The following DAAM1 variants were observed in gnomAD, a reference collection of about 807,000 sequenced individuals.
The protein encoded by DAAM1 is dishevelled associated activator of morphogenesis 1.
Under a neutral mutation model 130.0 loss-of-function variants are expected in DAAM1, and 52 were observed. That is an observed-to-expected ratio of 0.40 (90% CI 0.32 to 0.50). DAAM1 has a LOEUF of 0.50. DAAM1 is among the 20% of genes least tolerant of loss of function. DAAM1 has a pLI of 0.61. For synonymous variants in DAAM1, 452 were observed against 444.5 expected (o/e 1.02, Z -0.21); for missense variants, 1,134 against 1,303.8 (o/e 0.87, Z 2.01).
intron 1 of DAAM1, among the ~76,000 whole-genome samples, chr14:59,242,320 G>A (rs1335120797): frequency 6.6e-6 from 1 of 152,036 alleles, no homozygotes; most frequent in African/African-American, 2.4e-5. Flanking sequence ...TATATGCCTA[G>A]TAGCAGTGTT....
At chr14:59,196,536 A>G (rs1887897634) in intron 1 of DAAM1, among the ~76,000 whole-genome samples, 3 of 152,162 alleles carry the variant, frequency 2.0e-5, no homozygotes, top group Admixed American at 6.5e-5. Context: ...AAGGTCAGGA[A>G]GTCGAGACCA....
chr14:59,267,094 T>C (rs1311742455), intron 2 of DAAM1, among the ~76,000 whole-genome samples: 2 of 152,178 alleles, frequency 1.3e-5, no homozygotes, highest in African/African-American at 4.8e-5. Context: ...AGCAAATATT[T>C]CAGTTGTTCC....
At chr14:59,354,237 CT>C (rs1886391494) in intron 19 of DAAM1, among the ~76,000 whole-genome samples, 1 of 151,962 alleles carries the variant, frequency 6.6e-6, no homozygotes, top group Non-Finnish European at 1.5e-5. Flanking sequence ...ATTTTTTGTA[CT>C]TTTAGTAGAG....
At chr14:59,267,900 CCCTT>C (rs1882522370) in intron 2 of DAAM1, among the ~76,000 whole-genome samples, 1 of 99,578 alleles carries the variant, frequency 1.0e-5, no homozygotes, top group Non-Finnish European at 1.9e-5. Context: ...ATACGCCCCC[CCCTT>C]TTTTTTTTTT....
rs1279316572 is a variant in DAAM1 at position 59,253,765 on chromosome 14, C to T, written c.-37-9676C>T. On this transcript the variant is annotated intron_variant, in intron 1 of 24. Transcript: ENST00000360909. Reference sequence around the variant, plus strand: ...GGCTGTGAGGGCTGGGAGCAGTACTCACTTCCCCAGGGGACCCTGTCTAGG... The same window carrying T: ...GGCTGTGAGGGCTGGGAGCAGTACTTACTTCCCCAGGGGACCCTGTCTAGG... Among the ~76,000 whole-genome samples the T allele has an allele frequency of 5.3e-5, 8 of 152,304 alleles. No homozygotes were observed. The East Asian group carries it at 1.2e-3, about 22-fold the overall frequency.
At position 59,367,438 on chromosome 14, in the gene DAAM1, G is replaced by A. The variant is rs761923119; in HGVS notation, c.2836G>A (p.Ala946Thr). The part of the protein sequence containing the change: ...LAEAKDLFTK[A>T]VKHFGEEAGK... ...ACCATCTTTTTCCTAGTTTACTAAA[G>A]CAGTGAAGCACTTTGGGGAAGAGGC... Residue 946 changes from alanine (A) to threonine (T), a missense_variant, in exon 24 of 25, where the codon GCA (alanine) becomes ACA (threonine). Coordinates refer to ENST00000360909, the MANE Select transcript of DAAM1 (RefSeq NM_001270520.2). The A allele has an allele frequency of 1.9e-6, 3 of 1,606,482 alleles. No individual in the cohort carries two copies. The East Asian group carries it at 6.7e-5, about 36-fold the overall frequency.
At chr14:59,244,038 A>C (rs1881242196) in intron 1 of DAAM1, among the ~76,000 whole-genome samples, 1 of 152,122 alleles carries the variant, frequency 6.6e-6, no homozygotes, top group African/African-American at 2.4e-5. Context: ...CCCCACTCAA[A>C]TGTCATCTTG....
intron 2 of DAAM1, among the ~76,000 whole-genome samples, chr14:59,275,072 G>T (rs1051671621): frequency 2.0e-5 from 3 of 152,158 alleles, no homozygotes; most frequent in Non-Finnish European, 4.4e-5. Flanking sequence ...GAGGGGCCTG[G>T]GCTGGCAAGA....
intron 23 of DAAM1, among the ~76,000 whole-genome samples, chr14:59,366,124 A>G (rs1886907205): frequency 7.1e-6 from 1 of 141,166 alleles, no homozygotes. Flanking sequence ...GGTGGCATGT[A>G]CCTATAGTCC....
At position 59,331,831 on chromosome 14, in the gene DAAM1, G is replaced by A. The variant is rs1349084668; in HGVS notation, c.1879G>A (p.Val627Ile). Residue 627 changes from valine (V) to isoleucine (I), a missense_variant, in exon 15 of 25, where the codon GTA (valine) becomes ATA (isoleucine). Val to Ile is a conservative substitution (Grantham distance 29, BLOSUM62 3). Transcript: ENST00000360909. ...KLPENKLEGT[V>I]WTEIDDTKVF... ...TTTCTAGAACAAACTGGAAGGAACA[G>A]TATGGACCGAAATTGATGATACAAA... 1 of 1,614,114 alleles carries A rather than the reference G, an allele frequency of 6.2e-7. No homozygotes were observed. The highest frequency in any genetic ancestry group is 8.5e-7 in the Non-Finnish European group (1 of 1,179,986).
chr14:59,329,050 A>C (rs973381850), intron 12 of DAAM1, among the ~76,000 whole-genome samples: 3 of 152,088 alleles, frequency 2.0e-5, no homozygotes, highest in African/African-American at 7.3e-5. Flanking sequence ...GTGCTCAATA[A>C]AAGCTTAGTG....
At chr14:59,281,984 C>G (rs1303271243) in intron 2 of DAAM1, among the ~76,000 whole-genome samples, 1 of 152,132 alleles carries the variant, frequency 6.6e-6, no homozygotes, top group African/African-American at 2.4e-5. Context: ...ATCCACTAAT[C>G]CAGATTGCTC....
intron 4 of DAAM1, among the ~76,000 whole-genome samples, chr14:59,319,269 A>G (rs9323344): frequency 8.1e-4 from 123 of 152,296 alleles, no homozygotes; most frequent in African/African-American, 2.8e-3. Context: ...CGAAAAAACT[A>G]CTGGGTTTTA....
At chr14:59,295,584 A>T (rs1336076474) in intron 3 of DAAM1, among the ~76,000 whole-genome samples, 4 of 152,222 alleles carry the variant, frequency 2.6e-5, no homozygotes, top group Non-Finnish European at 5.9e-5. Flanking sequence ...GTTCCTGGAG[A>T]GCTGAAGCCC....
chr14:59,325,774 A>G lies in DAAM1; in HGVS notation c.1056+44A>G, dbSNP rs367954493. ...ATTCTGGTTTGATTCATCAGTTCAC[A>G]TTATTTCTGTCTGTAATGTGTGTTG... On this transcript the variant is annotated intron_variant, in intron 9 of 24. Coordinates refer to ENST00000360909, the MANE Select transcript of DAAM1 (RefSeq NM_001270520.2). 2.6e-5 allele frequency: 41 copies of G among 1,605,880 alleles called. No individual in the cohort carries two copies. In the African/African-American group the frequency reaches 4.8e-4, roughly 19 times the overall value.
At chr14:59,226,568 T>C (rs969001991) in intron 1 of DAAM1, among the ~76,000 whole-genome samples, 3 of 152,024 alleles carry the variant, frequency 2.0e-5, no homozygotes, top group Admixed American at 2.0e-4. Context: ...ATACCAAGAG[T>C]GCAGGGAATG....
At position 59,359,409 on chromosome 14, in the gene DAAM1, T is replaced by C. The variant is rs189950983; in HGVS notation, c.2538T>C (p.Leu846=). 6.2e-7 allele frequency: 1 copy of C among 1,612,218 alleles called. No individual in the cohort carries two copies. Residue 846 remains leucine (L), a synonymous_variant, in exon 21 of 25, where the codon CTT becomes CTC. Coordinates refer to ENST00000360909, the MANE Select transcript of DAAM1 (RefSeq NM_001270520.2). The stretch of plus-strand genomic sequence containing the variant: ...TCTTCAATTGTAGAAACATTACCCT[T>C]TTGCACTATCTCATCACTATTGTGG... The part of the protein sequence containing the change: ...TKSSIDKNIT[L]LHYLITIVEN...
intron 2 of DAAM1, among the ~76,000 whole-genome samples, chr14:59,276,368 A>C (rs943084482): frequency 6.6e-6 from 1 of 152,144 alleles, no homozygotes; most frequent in African/African-American, 2.4e-5. Flanking sequence ...ACTTATTATC[A>C]CCATGTCATG....
chr14:59,245,158 C>G (rs1240877134), intron 1 of DAAM1, among the ~76,000 whole-genome samples: 1 of 152,178 alleles, frequency 6.6e-6, no homozygotes, highest in East Asian at 1.9e-4. Flanking sequence ...ATGCATCCTT[C>G]AAATGCAAAG....
Sources: allele counts gnomAD v4.1 joint callset (sites outside exome capture counted in the v4.1 genomes callset), GRCh38; gene constraint gnomAD v4.1.1; transcripts MANE v1.5; gene names NCBI Gene and HGNC (gene_info 2026-07-23, HGNC 2026-07-21).